The following XPO1 variants were observed in gnomAD, a reference collection of about 807,000 sequenced individuals.
XPO1 encodes the protein exportin 1, also known as exportin-1.
Under a neutral mutation model 133.3 loss-of-function variants are expected in XPO1, and 5 were observed. That is an observed-to-expected ratio of 0.04 (90% CI 0.02 to 0.08). The LOEUF is 0.08. Among genes scored for constraint, XPO1 ranks in the 10% least tolerant of loss-of-function variants. The pLI, the probability that XPO1 is intolerant of heterozygous loss-of-function variation, is 1.00. For missense variants in XPO1, 506 were observed against 1,267.5 expected, an observed-to-expected ratio of 0.40 and a Z score of 9.12; for synonymous variants, 419 against 408.2, an observed-to-expected ratio of 1.03 and a Z score of -0.32.
At chr2:61,503,415 C>G (rs1244358595) in intron 4 of XPO1, among the ~76,000 whole-genome samples, 1 of 151,726 alleles carries the variant, frequency 6.6e-6, no homozygotes, top group Non-Finnish European at 1.5e-5. Flanking sequence ...CACGCACCAC[C>G]ACATCCAGCT....
chr2:61,537,293 C>T (rs1318780543), intron 1 of XPO1, among the ~76,000 whole-genome samples: 1 of 151,734 alleles, frequency 6.6e-6, no homozygotes, highest in Non-Finnish European at 1.5e-5. Flanking sequence ...CTATCACACT[C>T]CTCGCCTTCC....
rs2104434314 is a variant in XPO1, at chr2:61,492,563, A to G, written c.1566+4T>C. The G allele has an allele frequency of 1.2e-6, 2 of 1,608,702 alleles. No individual in the cohort carries two copies. Among genetic ancestry groups the G allele is most frequent in the Non-Finnish European group, 8.5e-7 (1 of 1,178,376 alleles). On this transcript the variant is annotated splice_donor_region_variant and intron_variant, in intron 14 of 24. Coordinates refer to ENST00000401558, the MANE Select transcript of XPO1 (RefSeq NM_003400.4). This position sits in a 1 kb window ranked among gnomAD's most constrained non-coding sequence, Gnocchi z 5.6. ...ATTCTAATTCATACCTATCCCTTGC[A>G]TACCTTTATAACAGTAACAAGAAAT... is the stretch of plus-strand genomic sequence containing the variant.
At chr2:61,491,459 A>ACAC (rs1696983059) in intron 16 of XPO1, among the ~76,000 whole-genome samples, 21 of 142,908 alleles carry the variant, frequency 1.5e-4, no homozygotes, top group African/African-American at 5.3e-4. Context: ...TCAAAAAACA[A>ACAC]ACACACACAC....
intron 4 of XPO1, among the ~76,000 whole-genome samples, chr2:61,505,510 G>A (rs1697758977): frequency 1.3e-5 from 2 of 151,278 alleles, no homozygotes; most frequent in Non-Finnish European, 2.9e-5. Flanking sequence ...TCCTGCCTCA[G>A]CCTCCTGAGT....
chr2:61,506,143 C>T (rs1326433670), intron 4 of XPO1, among the ~76,000 whole-genome samples: 3 of 152,014 alleles, frequency 2.0e-5, no homozygotes, highest in Non-Finnish European at 2.9e-5. Flanking sequence ...GCATTCCAGC[C>T]GGACGGATGG....
At chr2:61,490,203 A>ATTT (rs70963437) in intron 17 of XPO1, among the ~76,000 whole-genome samples, 23 of 142,014 alleles carry the variant, frequency 1.6e-4, no homozygotes, top group Non-Finnish European at 2.8e-4. Context: ...TTTTTCATTT[A>ATTT]TTTTTTTTTT....
Position 61,529,484 on chromosome 2 carries a change from C to T in XPO1, c.127-2963G>A, listed in dbSNP as rs182111761. Among the ~76,000 whole-genome samples the T allele has an allele frequency of 9.7e-4, 148 of 152,092 alleles. 1 individual carries two copies. Among genetic ancestry groups the T allele is most frequent in the African/African-American group, 3.4e-3 (143 of 41,484 alleles). On this transcript the variant is annotated intron_variant, in intron 2 of 24. Coordinates refer to ENST00000401558, the MANE Select transcript of XPO1 (RefSeq NM_003400.4). ...CAGCCTGGCCAACATGGTGAAACCC[C>T]GTCTCTACTAAAAATTCAAAAATTA...
intron 1 of XPO1, among the ~76,000 whole-genome samples, chr2:61,535,339 C>A (rs568473211): frequency 6.6e-6 from 1 of 152,276 alleles, no homozygotes; most frequent in Non-Finnish European, 1.5e-5. Context: ...ATAGAGGATT[C>A]AGGACATCCT....
intron 3 of XPO1, among the ~76,000 whole-genome samples, chr2:61,524,516 C>G (rs537962244): frequency 6.6e-6 from 1 of 152,262 alleles, no homozygotes; most frequent in African/African-American, 2.4e-5. Context: ...ATGCTTTGCC[C>G]AGGTTAGGTC....
intron 3 of XPO1, among the ~76,000 whole-genome samples, chr2:61,524,205 C>T (rs1180445392): frequency 6.6e-6 from 1 of 152,154 alleles, no homozygotes; most frequent in Non-Finnish European, 1.5e-5. Flanking sequence ...AATATATCCT[C>T]TTGCCAAAAA....
intron 24 of XPO1, 133 bp from the exon 25 acceptor site, chr2:61,479,099 A>C: frequency 9.8e-7 from 1 of 1,022,420 alleles, no homozygotes. Flanking sequence ...GTTTTAAATT[A>C]TAGGATAGTG....
At chr2:61,481,068 T>C in intron 24 of XPO1, 117 bp downstream of exon 24, 1 of 608,822 alleles carries the variant, frequency 1.6e-6, no homozygotes, top group South Asian at 2.6e-5. Context: ...TGTAAACGTA[T>C]TATCTTGAAA....
intron 19 of XPO1, among the ~76,000 whole-genome samples, chr2:61,487,188 G>A (rs1382047603): frequency 6.6e-6 from 1 of 151,838 alleles, no homozygotes; most frequent in East Asian, 1.9e-4. Flanking sequence ...CCAAGACAAG[G>A]AAAATAAACA....
intron 4 of XPO1, among the ~76,000 whole-genome samples, chr2:61,509,879 G>T (rs532093330): frequency 1.3e-5 from 2 of 152,214 alleles, no homozygotes; most frequent in South Asian, 4.1e-4. Flanking sequence ...ATCAATTTCA[G>T]TTTAAACATT....
At chr2:61,527,799 A>G in intron 2 of XPO1, among the ~76,000 whole-genome samples, 1 of 152,128 alleles carries the variant, frequency 6.6e-6, no homozygotes, top group Non-Finnish European at 1.5e-5. Context: ...GCAACCCAGA[A>G]ATACTAATCT....
chr2:61,526,329 A>C, intron 3 of XPO1, 91 bp downstream of exon 3: 1 of 1,477,964 alleles, frequency 6.8e-7, no homozygotes, highest in Non-Finnish European at 8.9e-7. Flanking sequence ...ATTTGAGATA[A>C]CAAATGCTAA....
chr2:61,482,752 C>T, intron 22 of XPO1: 1 of 733,828 alleles, frequency 1.4e-6, no homozygotes, highest in Non-Finnish European at 2.1e-6. Flanking sequence ...ATTGCAATCA[C>T]ATGCCACCAT....
chr2:61,510,157 G>C (rs1246970234), intron 4 of XPO1, among the ~76,000 whole-genome samples: 2 of 152,050 alleles, frequency 1.3e-5, no homozygotes, highest in Non-Finnish European at 2.9e-5. Flanking sequence ...CACACCTGTA[G>C]TACCAGCTAC....
rs1318451755 is a variant in XPO1, at chr2:61,478,899, T to A, written c.3137A>T (p.Asp1046Val). ...CATTTGACGTTTATGTTTCTCTTCA[T>A]CAGCCTGCCGTAGGGCTATTTCTCT... ...EEREIALRQA[D>V]EEKHKRQMSV... The change falls in exon 25 of 25, where the codon GAT (aspartate) becomes GTT (valine). Residue 1046 changes from aspartate to valine, a missense_variant. Physicochemically the swap from Asp to Val is radical, Grantham distance 152 (BLOSUM62 -3). This residue lies in a region of XPO1 where 203 missense variants were observed against 365.9 expected (regional missense o/e 0.55). Transcript: ENST00000401558. 1 of 1,614,190 alleles carries A rather than the reference T, an allele frequency of 6.2e-7. No individual in the cohort carries two copies. The highest frequency in any genetic ancestry group is 1.1e-5 in the South Asian group (1 of 91,088).
Sources: gnomAD v4.1 joint callset for allele counts (sites outside exome capture counted in the v4.1 genomes callset) on GRCh38, gnomAD v4.1.1 for gene constraint, gnomAD v4.1.1 regional missense constraint, Gnocchi (gnomAD v3.1) non-coding constraint, MANE v1.5 for transcripts, NCBI Gene and HGNC (gene_info 2026-07-23, HGNC 2026-07-21) for gene names.